The following ARHGAP23 variants were observed in gnomAD, a reference collection of about 807,000 sequenced individuals.
ARHGAP23 encodes Rho GTPase activating protein 23.
A neutral mutation model predicts 136.3 loss-of-function variants in ARHGAP23; 34 were observed. The observed-to-expected ratio is 0.25, with a 90% confidence interval of 0.19 to 0.33. ARHGAP23 has a LOEUF of 0.33. Ranked by LOEUF, ARHGAP23 falls within the 10% of genes least tolerant of loss-of-function variation. The pLI is 1.00. For synonymous variants in ARHGAP23, 832 were observed against 920.5 expected (o/e 0.90, Z 1.74); for missense variants, 1,808 against 2,139.0 (o/e 0.85, Z 3.05).
At chr17:38,509,008 C>T (rs2040694560) in intron 23 of ARHGAP23, among the ~76,000 whole-genome samples, 2 of 89,616 alleles carry the variant, frequency 2.2e-5, no homozygotes, top group South Asian at 4.6e-4. Flanking sequence ...GTCCTGGGAA[C>T]ACTGAGTCTC....
upstream of ARHGAP23, among the ~76,000 whole-genome samples, chr17:38,424,414 G>A (rs192662735): frequency 6.6e-6 from 1 of 151,978 alleles, no homozygotes; most frequent in East Asian, 1.9e-4. Context: ...CCTCCCTGGG[G>A]CCCCTCCTCC....
chr17:38,470,394 A>G (rs2039722246), intron 10 of ARHGAP23, among the ~76,000 whole-genome samples: 1 of 152,180 alleles, frequency 6.6e-6, no homozygotes, highest in Admixed American at 6.5e-5. Flanking sequence ...CTCAGTCAGT[A>G]TTTGCATCGC....
At chr17:38,493,884 G>A (rs914327412) in intron 20 of ARHGAP23, among the ~76,000 whole-genome samples, 1 of 152,226 alleles carries the variant, frequency 6.6e-6, no homozygotes, top group African/African-American at 2.4e-5. Flanking sequence ...TGTTTACGAA[G>A]TCAAATGGAA....
At chr17:38,454,195 T>C (rs762127803) in intron 1 of ARHGAP23, 75 of 152,708 alleles carry the variant, frequency 4.9e-4, no homozygotes, top group Non-Finnish European at 9.4e-4. Context: ...GGGGTCTGAG[T>C]GGGACTGGGT....
At chr17:38,460,832 C>G in intron 2 of ARHGAP23, 73 bp from the exon 3 acceptor site, 2 of 1,535,958 alleles carry the variant, frequency 1.3e-6, no homozygotes, top group Non-Finnish European at 1.7e-6. Flanking sequence ...GGGGCCCTGC[C>G]CACTGGAGCT....
At chr17:38,478,415 T>C (rs558611813) in intron 12 of ARHGAP23, among the ~76,000 whole-genome samples, 1 of 62,824 alleles carries the variant, frequency 1.6e-5, no homozygotes, top group Non-Finnish European at 3.1e-5. Context: ...GATTTTGGGA[T>C]AATTTTTTTT....
chr17:38,429,880 A>G (rs2038648930), intron 1 of ARHGAP23, among the ~76,000 whole-genome samples: 1 of 152,142 alleles, frequency 6.6e-6, no homozygotes, highest in Non-Finnish European at 1.5e-5. Context: ...CCCCTCTGCC[A>G]GGGCAACAGA....
intron 12 of ARHGAP23, among the ~76,000 whole-genome samples, chr17:38,478,712 G>T (rs1378760191): frequency 6.6e-6 from 1 of 152,140 alleles, no homozygotes. Context: ...CCCAGCCGAA[G>T]AATTTTTTTT....
intron 16 of ARHGAP23, among the ~76,000 whole-genome samples, chr17:38,484,079 C>G (rs1218519051): frequency 6.6e-6 from 1 of 152,140 alleles, no homozygotes; most frequent in Non-Finnish European, 1.5e-5. Flanking sequence ...GTTCAAGAAA[C>G]AGTAATGCTC....
At chr17:38,426,285 G>A (rs8069509), upstream of ARHGAP23, among the ~76,000 whole-genome samples, 2,484 of 152,092 alleles carry the variant, frequency 0.016, 31 homozygotes, top group African/African-American at 0.038. Context: ...GCTCATGCCT[G>A]TAATCCCAGC....
At chr17:38,475,361 G>A (rs1481000506) in intron 11 of ARHGAP23, among the ~76,000 whole-genome samples, 2 of 152,232 alleles carry the variant, frequency 1.3e-5, no homozygotes, top group Non-Finnish European at 2.9e-5. Flanking sequence ...CTTGTCCTAG[G>A]TTATGCCTCT....
rs2040059413 is a variant in ARHGAP23, at chr17:38,482,158, C to T, written c.2751+15C>T. Reference sequence around the variant, plus strand: ...CGGAGAACCAGGTGAGTCTCTGCCACACGCCAGAGCAGGCCCAGCAGGGGG... The same window carrying T: ...CGGAGAACCAGGTGAGTCTCTGCCATACGCCAGAGCAGGCCCAGCAGGGGG... On this transcript the variant is annotated intron_variant, in intron 15 of 23. Coordinates refer to ENST00000622683, the MANE Select transcript of ARHGAP23 (RefSeq NM_001199417.2). The T allele has an allele frequency of 3.9e-6, 6 of 1,545,920 alleles. No homozygotes were observed. The highest frequency in any genetic ancestry group is 5.2e-6 in the Non-Finnish European group (6 of 1,145,616).
At chr17:38,479,358 A>G in intron 12 of ARHGAP23, 78 bp from the exon 13 acceptor site, 7 of 1,304,338 alleles carry the variant, frequency 5.4e-6, no homozygotes, top group Non-Finnish European at 6.5e-6. Flanking sequence ...ACAAGAGGGG[A>G]AGCAGGGCTA....
At chr17:38,424,902 C>T (rs946143780), upstream of ARHGAP23, among the ~76,000 whole-genome samples, 1 of 152,230 alleles carries the variant, frequency 6.6e-6, no homozygotes, top group African/African-American at 2.4e-5. Context: ...TCCCCTCTCT[C>T]TGTGAACACC....
chr17:38,466,928 G>T lies in ARHGAP23; in HGVS notation c.1245G>T (p.Gly415=). Reference sequence around the variant, plus strand: ...GCCTGCAGGGCCTGGATGACCTCGGGTACATCGGCTACCGGAGCTACAGCC... The same window carrying T: ...GCCTGCAGGGCCTGGATGACCTCGGTTACATCGGCTACCGGAGCTACAGCC... ...PSGLQGLDDL[G]YIGYRSYSPS... Residue 415 remains glycine (G), a synonymous_variant, in exon 7 of 24, where the codon GGG becomes GGT. Coordinates refer to ENST00000622683, the MANE Select transcript of ARHGAP23 (RefSeq NM_001199417.2). 3.9e-6 allele frequency: 6 copies of T among 1,550,538 alleles called. No homozygotes were observed. Among genetic ancestry groups the T allele is most frequent in the Non-Finnish European group, 5.2e-6 (6 of 1,146,938 alleles).
Position 38,466,492 on chromosome 17 carries a change from T to C in ARHGAP23, c.809T>C (p.Phe270Ser), listed in dbSNP as rs1027046930. ...LSSEPRTPRAFPEPGSRVPPS... is the reference protein window; with the variant it reads ...LSSEPRTPRASPEPGSRVPPS... The stretch of plus-strand genomic sequence containing the variant: ...TCGGAGCCCCGGACGCCCCGTGCCT[T>C]CCCAGAGCCTGGCAGCCGGGTGCCC... The change falls in exon 7 of 24, where the codon TTC becomes TCC. Residue 270 changes from phenylalanine (F) to serine (S), a missense_variant. Transcript: ENST00000622683. 9 of 1,503,944 alleles carry C rather than the reference T, an allele frequency of 6.0e-6. No individual in the cohort carries two copies. In the Admixed American group the frequency reaches 1.9e-4, roughly 32 times the overall value. The allele number at this position is 1,503,944 out of a possible 1,614,324, so 93.2% of individuals were successfully genotyped here. A position where few individuals can be genotyped will look rare whatever the true frequency, so the allele number is the denominator to read the frequency against.
chr17:38,438,736 C>A (rs1392833304), intron 1 of ARHGAP23, among the ~76,000 whole-genome samples: 1 of 152,108 alleles, frequency 6.6e-6, no homozygotes, highest in Non-Finnish European at 1.5e-5. Context: ...GTAATCCCAG[C>A]ACTTTGGGAG....
intron 15 of ARHGAP23, 78 bp from the exon 16 acceptor site, chr17:38,482,445 C>T: frequency 7.5e-7 from 1 of 1,325,746 alleles, no homozygotes; most frequent in South Asian, 1.5e-5. Flanking sequence ...CAGCTCTGGG[C>T]CTTGCATTGT....
Position 38,510,045 on chromosome 17 carries a change from G to T in ARHGAP23, c.3549G>T (p.Arg1183=). The part of the protein sequence containing the change: ...NRKRKKRREA[R]GLGSSTDDDS... ...AGCGCAAGAAGCGGCGGGAGGCGCG[G>T]GGGCTGGGCAGCAGCACCGACGACG... Residue 1183 remains arginine, a synonymous_variant, in exon 24 of 24, where the codon CGG becomes CGT. Coordinates refer to ENST00000622683, the MANE Select transcript of ARHGAP23 (RefSeq NM_001199417.2). The surrounding 1 kb of genome is among the most constrained non-coding windows in gnomAD (Gnocchi z 4.6). 1 of 1,243,486 alleles carries T rather than the reference G, an allele frequency of 8.0e-7. No individual in the cohort carries two copies. The highest frequency in any genetic ancestry group is 1.0e-6 in the Non-Finnish European group (1 of 994,478). 77.0% of individuals were successfully genotyped at this position (1,243,486 alleles called of 1,614,324 possible). A position where few individuals can be genotyped will look rare whatever the true frequency, so the allele number is the denominator to read the frequency against.
Sources: allele counts gnomAD v4.1 joint callset (sites outside exome capture counted in the v4.1 genomes callset), GRCh38; gene constraint gnomAD v4.1.1; non-coding constraint Gnocchi (gnomAD v3.1); transcripts MANE v1.5; gene names NCBI Gene and HGNC (gene_info 2026-07-23, HGNC 2026-07-21).